MAK: variants seen among roughly 807,000 people sequenced by gnomAD.
MAK encodes serine/threonine-protein kinase MAK.
In MAK, 65 loss-of-function variants were observed where a neutral mutation model predicts 82.6. The ratio of observed to expected loss-of-function variants is 0.79; its 90% CI spans 0.64 to 0.97. The LOEUF is 0.97. Ranked by LOEUF, MAK falls within the 50% of genes least tolerant of loss-of-function variation. The pLI is 0.00. For missense variants in MAK, 703 were observed against 780.2 expected, an observed-to-expected ratio of 0.90 and a Z score of 1.18; for synonymous variants, 250 against 274.2, an observed-to-expected ratio of 0.91 and a Z score of 0.87.
At position 10,764,390 on chromosome 6, in the gene MAK, A is replaced by G. The variant is rs951087571; in HGVS notation, c.*62T>C. ...AAATAGACATTTGTAGACATTTCCCAGGGTCAAGGAACTTGCACGTACTCT... is the reference window on the plus strand; with the variant it reads ...AAATAGACATTTGTAGACATTTCCCGGGGTCAAGGAACTTGCACGTACTCT... On this transcript the variant is annotated 3_prime_UTR_variant, in exon 15 of 15. Transcript: ENST00000354489. The G allele has an allele frequency of 3.0e-5, 46 of 1,541,280 alleles. No individual in the cohort carries two copies. The highest frequency in any genetic ancestry group is 2.0e-4 in the Middle Eastern group (1 of 4,996).
chr6:10,772,006 G>A (rs997544090), intron 13 of MAK, among the ~76,000 whole-genome samples: 17 of 152,226 alleles, frequency 1.1e-4, no homozygotes, highest in African/African-American at 1.7e-4. Flanking sequence ...GTAGGGTTAT[G>A]TAAGAATACC....
At chr6:10,825,367 C>T (rs1713607699) in intron 2 of MAK, among the ~76,000 whole-genome samples, 1 of 152,036 alleles carries the variant, frequency 6.6e-6, no homozygotes, top group Admixed American at 6.6e-5. Context: ...ATATTTTCTA[C>T]ATTCTCCTGG....
intron 12 of MAK, among the ~76,000 whole-genome samples, chr6:10,773,733 C>G (rs554791088): frequency 8.0e-5 from 12 of 150,040 alleles, no homozygotes; most frequent in Non-Finnish European, 1.3e-4. Context: ...GCTCTGTCGC[C>G]CAGGCTGGAG....
At chr6:10,774,994 T>C (rs1296362066) in intron 12 of MAK, among the ~76,000 whole-genome samples, 2 of 152,210 alleles carry the variant, frequency 1.3e-5, no homozygotes, top group African/African-American at 4.8e-5. Flanking sequence ...ATTGTACTTT[T>C]TAATATAGAG....
In MAK at chr6:10,817,833, C is replaced by A. The variant is rs777657628; in HGVS notation, c.278+17G>T. The A allele has an allele frequency of 5.4e-6, 8 of 1,475,936 alleles. No homozygotes were observed. The highest frequency in any genetic ancestry group is 7.4e-6 in the Non-Finnish European group (8 of 1,074,756). The allele number at this position is 1,475,936 out of a possible 1,614,324, so 91.4% of individuals were successfully genotyped here. On this transcript the variant is annotated intron_variant, in intron 4 of 14. Transcript: ENST00000354489. The stretch of plus-strand genomic sequence containing the variant: ...TCATGGAGAGAATAACAGGGAAAAA[C>A]ATGAATAAAAACATACCTGTCTTTC...
chr6:10,784,406 T>A lies in MAK; in HGVS notation c.1465+18A>T. On this transcript the variant is annotated intron_variant, in intron 11 of 14. Coordinates refer to ENST00000354489, the MANE Select transcript of MAK (RefSeq NM_001242957.3). ...CTATACTCTAGTTAGCAGCAAACAT[T>A]TTCTTTGCTCTACTTACCTGGAAGA... 1.2e-6 allele frequency: 2 copies of A among 1,613,540 alleles called. No homozygotes were observed. The highest frequency in any genetic ancestry group is 1.7e-6 in the Non-Finnish European group (2 of 1,179,436).
chr6:10,826,716 C>T (rs1227546575), intron 2 of MAK: 1 of 152,218 alleles, frequency 6.6e-6, no homozygotes, highest in Non-Finnish European at 1.5e-5. Flanking sequence ...GTTTCCCAGC[C>T]TCCCTGCAGC....
At chr6:10,834,325 A>C (rs1471711398) in intron 1 of MAK, among the ~76,000 whole-genome samples, 1 of 152,206 alleles carries the variant, frequency 6.6e-6, no homozygotes, top group Non-Finnish European at 1.5e-5. Context: ...AAAAACATGG[A>C]AGGATTAAAT....
At chr6:10,772,074 AC>A (rs1773063974) in intron 13 of MAK, among the ~76,000 whole-genome samples, 2 of 152,346 alleles carry the variant, frequency 1.3e-5, no homozygotes, top group Non-Finnish European at 2.9e-5. Context: ...CTTGTCCCAA[AC>A]CACAAAAGCT....
At position 10,808,932 on chromosome 6, in the gene MAK, A is replaced by G. The variant is rs200916721; in HGVS notation, c.369T>C (p.His123=). 43 of 1,613,442 alleles carry G rather than the reference A, an allele frequency of 2.7e-5. No homozygotes were observed. In the East Asian group the frequency reaches 8.9e-4, roughly 33 times the overall value. The part of the protein sequence containing the change: ...LAFIHKHGFF[H]RDMKPENLLC... ...GCAAGTTTTCTGGTTTCATGTCCCTATGAAAAAAGCCTTGATGATATACGG... is the reference window on the plus strand; with the variant it reads ...GCAAGTTTTCTGGTTTCATGTCCCTGTGAAAAAAGCCTTGATGATATACGG... Residue 123 remains histidine (H), a synonymous_variant, in exon 6 of 15, where the codon CAT becomes CAC. Coordinates refer to ENST00000354489, the MANE Select transcript of MAK (RefSeq NM_001242957.3).
rs564318708 is a variant in MAK at position 10,820,036 on chromosome 6, C to T, written c.102-1096G>A. On this transcript the variant is annotated intron_variant, in intron 2 of 14. Transcript: ENST00000354489. ...CTGAGGCAGGAGAAGGGCGTGAACC[C>T]GGGAGGTGGAGCTTGCAGTGAGCCG... Among the ~76,000 whole-genome samples the T allele has an allele frequency of 5.9e-5, 9 of 151,728 alleles. No individual in the cohort carries two copies. In the East Asian group the frequency reaches 1.8e-3, roughly 30 times the overall value.
At chr6:10,782,812 A>G (rs1774125239) in intron 11 of MAK, among the ~76,000 whole-genome samples, 1 of 152,152 alleles carries the variant, frequency 6.6e-6, no homozygotes, top group Admixed American at 6.6e-5. Flanking sequence ...TCCTGAACTC[A>G]GGTGATCCGC....
At chr6:10,779,334 C>CT in intron 11 of MAK, 1 of 985,076 alleles carries the variant, frequency 1.0e-6, no homozygotes, top group Non-Finnish European at 1.2e-6. Flanking sequence ...ACAGAGTGAG[C>CT]TGACAGATGG....
chr6:10,797,873 G>A (rs1236918537), intron 8 of MAK: 1 of 1,283,886 alleles, frequency 7.8e-7, no homozygotes, highest in Admixed American at 2.4e-5. Context: ...AAAAAGCAGG[G>A]CTGTGAAACA....
At chr6:10,833,133 G>A (rs1173422128) in intron 1 of MAK, among the ~76,000 whole-genome samples, 1 of 152,120 alleles carries the variant, frequency 6.6e-6, no homozygotes, top group African/African-American at 2.4e-5. Flanking sequence ...ACCAACAAGG[G>A]CACGTTATAG....
intron 7 of MAK, 65 bp from the exon 8 acceptor site, chr6:10,802,124 A>G (rs1420335148): frequency 8.0e-7 from 1 of 1,255,676 alleles, no homozygotes; most frequent in African/African-American, 1.5e-5. Context: ...TAATCCATTT[A>G]AAAAACACAG....
intron 2 of MAK, among the ~76,000 whole-genome samples, chr6:10,821,948 C>A (rs1248123904): frequency 4.0e-5 from 6 of 150,148 alleles, no homozygotes; most frequent in Non-Finnish European, 8.9e-5. Flanking sequence ...GAGATGGAGA[C>A]CCTCCTGGGT....
intron 13 of MAK, 105 bp downstream of exon 13, chr6:10,772,929 G>T: frequency 2.8e-6 from 2 of 724,546 alleles, no homozygotes; most frequent in South Asian, 1.6e-5. Context: ...TTCTCAAAGC[G>T]GATCATCTCG....
intron 8 of MAK, among the ~76,000 whole-genome samples, chr6:10,801,427 C>T (rs1347195313): frequency 6.6e-6 from 1 of 152,234 alleles, no homozygotes; most frequent in African/African-American, 2.4e-5. Context: ...ATGCTGCCCT[C>T]TTGTGGCAGC....
Sources: gnomAD v4.1 joint callset for allele counts (sites outside exome capture counted in the v4.1 genomes callset) on GRCh38, gnomAD v4.1.1 for gene constraint, MANE v1.5 for transcripts, NCBI Gene and HGNC (gene_info 2026-07-23, HGNC 2026-07-21) for gene names.